The following SETX variants were observed in gnomAD, a reference collection of about 807,000 sequenced individuals.
SETX encodes helicase senataxin.
A neutral mutation model predicts 227.2 loss-of-function variants in SETX; 90 were observed. The observed-to-expected ratio is 0.40, with a 90% CI of 0.33 to 0.47. The LOEUF is 0.47. SETX is among the 20% of genes least tolerant of loss of function. The pLI, the probability that SETX is intolerant of heterozygous loss-of-function variation, is 0.91. For missense variants in SETX, 3,052 were observed against 3,181.5 expected (o/e 0.96, Z 0.98); for synonymous variants, 1,210 against 1,113.2 (o/e 1.09, Z -1.73).
rs61745659 is a variant in SETX at position 132,326,494 on chromosome 9, C to T, written c.5104G>A (p.Val1702Ile). ...TATTTCCATTTTAAGACCTCTTTAA[C>T]GAAGGTGTCAGAGACAGACTGTGAT... ...LSSQSVSDTF[V>I]KEVLKWKYEM... Residue 1702 changes from valine to isoleucine, a missense_variant, in exon 10 of 26, where the codon GTT (valine) becomes ATT (isoleucine). Coordinates refer to ENST00000224140, the MANE Select transcript of SETX (RefSeq NM_015046.7). 105 of 1,613,988 alleles carry T rather than the reference C, an allele frequency of 6.5e-5. 1 individual carries two copies. The highest frequency in any genetic ancestry group is 7.8e-5 in the Non-Finnish European group (92 of 1,180,036).
Position 132,263,691 on chromosome 9 carries a change from T to A in SETX, c.*548A>T, listed in dbSNP as rs139883935. 1,508 of 154,126 alleles carry A rather than the reference T, an allele frequency of 9.8e-3. 26 individuals are homozygous for A. Among genetic ancestry groups the A allele is most frequent in the African/African-American group, 0.034 (1,426 of 41,514 alleles). The allele number at this position is 154,126 out of a possible 1,614,324, so 9.5% of individuals were successfully genotyped here. On this transcript the variant is annotated 3_prime_UTR_variant, in exon 26 of 26. Coordinates refer to ENST00000224140, the MANE Select transcript of SETX (RefSeq NM_015046.7). ...TTTTTGGGGGGGTTTTTGCTTTTTT[T>A]AATAGAGCCAGAGACACCTGACCCA... is the stretch of plus-strand genomic sequence containing the variant.
intron 4 of SETX, among the ~76,000 whole-genome samples, chr9:132,344,717 T>A (rs949653420): frequency 6.6e-6 from 1 of 151,804 alleles, no homozygotes; most frequent in Non-Finnish European, 1.5e-5. Flanking sequence ...CTACTAAAAA[T>A]ACAAAAAATT....
At chr9:132,346,866 G>C (rs148982096) in intron 3 of SETX, among the ~76,000 whole-genome samples, 222 of 152,038 alleles carry the variant, frequency 1.5e-3, no homozygotes, top group African/African-American at 4.5e-3. Flanking sequence ...GAAGCAAAAG[G>C]ATCACTTGAG....
At chr9:132,322,027 CCATGAAGAATGAAA>C (rs780068146) in intron 10 of SETX, among the ~76,000 whole-genome samples, 137 of 152,192 alleles carry the variant, frequency 9.0e-4, no homozygotes, top group Admixed American at 3.5e-3. Flanking sequence ...CAAAACCTTA[CCATGAAGAATGAAA>C]CTAATGCTGG....
At chr9:132,339,874 CA>C (rs1431904011) in intron 5 of SETX, among the ~76,000 whole-genome samples, 1 of 152,206 alleles carries the variant, frequency 6.6e-6, no homozygotes, top group Admixed American at 6.5e-5. Context: ...CTCAGCCTCC[CA>C]AAGTGCTGGG....
At chr9:132,341,624 C>T (rs1847970554) in intron 5 of SETX, among the ~76,000 whole-genome samples, 1 of 152,196 alleles carries the variant, frequency 6.6e-6, no homozygotes, top group African/African-American at 2.4e-5. Context: ...GCACTGGTTA[C>T]AAGACCAGAC....
chr9:132,272,855 A>G (rs531945707), intron 23 of SETX, among the ~76,000 whole-genome samples: 31 of 132,638 alleles, frequency 2.3e-4, no homozygotes, highest in African/African-American at 9.8e-4. Context: ...TGTACCACAT[A>G]GTACAAGTTA....
At chr9:132,288,516 G>A (rs1413727652) in intron 16 of SETX, 34 bp downstream of exon 16, 1 of 1,542,970 alleles carries the variant, frequency 6.5e-7, no homozygotes, top group East Asian at 2.2e-5. Context: ...ACAAAACAGA[G>A]AAAACACTAG....
chr9:132,273,799 AC>A (rs1843012814), intron 23 of SETX, among the ~76,000 whole-genome samples: 2 of 152,124 alleles, frequency 1.3e-5, no homozygotes, highest in South Asian at 4.1e-4. Context: ...TATTTTCCTT[AC>A]TTAACTGCTC....
At chr9:132,321,563 A>C (rs1846332627) in intron 10 of SETX, among the ~76,000 whole-genome samples, 2 of 147,864 alleles carry the variant, frequency 1.4e-5, no homozygotes, top group African/African-American at 2.5e-5. Context: ...AGGCTGAGGC[A>C]GGAGAATGGC....
chr9:132,310,919 T>G (rs977981123), intron 11 of SETX, among the ~76,000 whole-genome samples: 3 of 152,250 alleles, frequency 2.0e-5, no homozygotes, highest in Admixed American at 1.3e-4. Context: ...AGCTTTATTG[T>G]AAGAATACAG....
intron 20 of SETX, among the ~76,000 whole-genome samples, chr9:132,279,484 C>T (rs999359611): frequency 6.6e-6 from 1 of 152,144 alleles, no homozygotes; most frequent in African/African-American, 2.4e-5. Context: ...GAAAACTTCA[C>T]TAAGATGATG....
chr9:132,275,881 A>AACAC (rs371116531), intron 22 of SETX, among the ~76,000 whole-genome samples: 39 of 152,154 alleles, frequency 2.6e-4, no homozygotes, highest in African/African-American at 9.2e-4. Context: ...GGCTGCATAC[A>AACAC]ACACACACCA....
chr9:132,314,906 G>GTTTTT (rs559979271), intron 10 of SETX, among the ~76,000 whole-genome samples: 9 of 88,488 alleles, frequency 1.0e-4, no homozygotes, highest in African/African-American at 1.4e-4. Context: ...ATTTTATTGT[G>GTTTTT]TTTTTTTTTT....
chr9:132,311,711 C>T (rs1291573678), intron 11 of SETX, 46 bp downstream of exon 11: 1 of 1,333,376 alleles, frequency 7.5e-7, no homozygotes, highest in African/African-American at 1.4e-5. Context: ...TTAGAAATCT[C>T]CAATTATTAT....
rs143794476 is a variant in SETX at position 132,290,626 on chromosome 9, G to A, written c.6107-1975C>T. Among the ~76,000 whole-genome samples, 211 of 150,108 alleles carry A rather than the reference G, an allele frequency of 1.4e-3. 3 individuals are homozygous for A. Among genetic ancestry groups the A allele is most frequent in the Non-Finnish European group, 8.0e-4 (54 of 67,792 alleles). On this transcript the variant is annotated intron_variant, in intron 15 of 25. Coordinates refer to ENST00000224140, the MANE Select transcript of SETX (RefSeq NM_015046.7). ...ATTCACCACTACAGCCAGGTGCAGC[G>A]GCTCAGGGCTGTAATCCTAGCACTT...
At chr9:132,318,649 G>A (rs1357811557) in intron 10 of SETX, among the ~76,000 whole-genome samples, 1 of 152,090 alleles carries the variant, frequency 6.6e-6, no homozygotes, top group African/African-American at 2.4e-5. Context: ...GGGATGGGAG[G>A]GAACAAGTGA....
At chr9:132,293,580 T>C (rs73547010) in intron 15 of SETX, among the ~76,000 whole-genome samples, 39,780 of 151,910 alleles carry the variant, frequency 0.26, 6,769 homozygotes, top group East Asian at 0.68. Flanking sequence ...TGCCACGACG[T>C]GCAGCTAATT....
At chr9:132,272,770 A>G (rs1842961176) in intron 23 of SETX, among the ~76,000 whole-genome samples, 1 of 152,244 alleles carries the variant, frequency 6.6e-6, no homozygotes, top group South Asian at 2.1e-4. Flanking sequence ...CTGTTCCCTT[A>G]GCATAACATT....
Sources: allele counts gnomAD v4.1 joint callset (sites outside exome capture counted in the v4.1 genomes callset), GRCh38; gene constraint gnomAD v4.1.1; transcripts MANE v1.5; gene names NCBI Gene and HGNC (gene_info 2026-07-23, HGNC 2026-07-21).